Variants in ST8SIA1 observed in about 807,000 individuals in gnomAD.
ST8SIA1 encodes the protein ST8 alpha-N-acetyl-neuraminide alpha-2,8-sialyltransferase 1.
A neutral mutation model predicts 35.9 loss-of-function variants in ST8SIA1; 16 were observed. The observed-to-expected ratio is 0.45, with a 90% CI of 0.30 to 0.68. The LOEUF is 0.68. ST8SIA1 is among the 30% of genes least tolerant of loss of function. The pLI is 0.09. For synonymous variants in ST8SIA1, 170 were observed against 169.6 expected, an observed-to-expected ratio of 1.00 and a Z score of -0.02; for missense variants, 383 against 453.6, an observed-to-expected ratio of 0.84 and a Z score of 1.41.
At chr12:22,205,690 G>A (rs555314418) in intron 4 of ST8SIA1, among the ~76,000 whole-genome samples, 1 of 152,030 alleles carries the variant, frequency 6.6e-6, no homozygotes, top group Non-Finnish European at 1.5e-5. Context: ...AGCTGAGGTG[G>A]GAGGATCACT....
chr12:22,329,157 A>G (rs1866724196), intron 1 of ST8SIA1, among the ~76,000 whole-genome samples: 1 of 152,224 alleles, frequency 6.6e-6, no homozygotes, highest in South Asian at 2.1e-4. Flanking sequence ...TCAGAGCCAA[A>G]TCATGAGAGA....
At chr12:22,259,530 A>G (rs997995086) in intron 2 of ST8SIA1, among the ~76,000 whole-genome samples, 16 of 151,530 alleles carry the variant, frequency 1.1e-4, no homozygotes, top group African/African-American at 3.9e-4. Flanking sequence ...CAGTGGCGCG[A>G]TCTGGGATCA....
At chr12:22,244,030 C>CA (rs3216629) in intron 4 of ST8SIA1, among the ~76,000 whole-genome samples, 79,320 of 147,576 alleles carry the variant, frequency 0.54, 21,310 homozygotes, top group South Asian at 0.64. Context: ...AATTCTGTCT[C>CA]AAAAAAAAAA....
chr12:22,271,247 T>C (rs61921823), intron 2 of ST8SIA1, among the ~76,000 whole-genome samples: 14,050 of 152,250 alleles, frequency 0.092, 797 homozygotes, highest in East Asian at 0.15. Context: ...CTAAACAGAA[T>C]GCCAAGCCCA....
Position 22,194,118 on chromosome 12 carries a change from C to T in ST8SIA1, c.*7434G>A, listed in dbSNP as rs1487637163. 1.3e-5 allele frequency: 2 copies of T among 152,128 alleles called. No individual in the cohort carries two copies. The highest frequency in any genetic ancestry group is 2.9e-5 in the Non-Finnish European group (2 of 68,022). 9.4% of individuals were successfully genotyped at this position (152,128 alleles called of 1,614,324 possible). On this transcript the variant is annotated 3_prime_UTR_variant, in exon 5 of 5. Transcript: ENST00000396037. Reference sequence around the variant, plus strand: ...ATATTTGTTCTCTTCTCTCTAGTGTCTCTATGATGTACCCTAGTGGCCATC... The same window carrying T: ...ATATTTGTTCTCTTCTCTCTAGTGTTTCTATGATGTACCCTAGTGGCCATC...
At chr12:22,318,907 C>T (rs936854684) in intron 1 of ST8SIA1, among the ~76,000 whole-genome samples, 1 of 152,144 alleles carries the variant, frequency 6.6e-6, no homozygotes, top group African/African-American at 2.4e-5. Flanking sequence ...CCAGACAGAC[C>T]ATTTTCTAAC....
chr12:22,311,376 G>A (rs1333148323), intron 1 of ST8SIA1, among the ~76,000 whole-genome samples: 1 of 152,066 alleles, frequency 6.6e-6, no homozygotes, highest in Non-Finnish European at 1.5e-5. Flanking sequence ...GAATTTCTAA[G>A]GTCAAGGTGT....
intron 3 of ST8SIA1, 47 bp from the exon 4 acceptor site, chr12:22,249,145 A>T: frequency 8.2e-7 from 1 of 1,223,156 alleles, no homozygotes; most frequent in Non-Finnish European, 1.2e-6. Context: ...CATAGTTTTA[A>T]ATCATCAGTT....
intron 2 of ST8SIA1, among the ~76,000 whole-genome samples, chr12:22,260,668 G>A (rs1865779064): frequency 6.6e-6 from 1 of 152,000 alleles, no homozygotes; most frequent in African/African-American, 2.4e-5. Flanking sequence ...CATCTTCCAG[G>A]ACTATTACGA....
At chr12:22,208,262 G>GA (rs1481172566) in intron 4 of ST8SIA1, among the ~76,000 whole-genome samples, 4 of 151,430 alleles carry the variant, frequency 2.6e-5, no homozygotes, top group Admixed American at 6.6e-5. Context: ...CACTGCATTA[G>GA]AAAAATTTTT....
intron 1 of ST8SIA1, among the ~76,000 whole-genome samples, chr12:22,312,458 G>A (rs566992481): frequency 1.3e-5 from 2 of 152,270 alleles, no homozygotes; most frequent in Non-Finnish European, 2.9e-5. Context: ...ATTCTCCAAA[G>A]AAGCCTGGCT....
chr12:22,248,263 T>A (rs1865627243), intron 4 of ST8SIA1, among the ~76,000 whole-genome samples: 1 of 152,126 alleles, frequency 6.6e-6, no homozygotes, highest in Non-Finnish European at 1.5e-5. Context: ...CCCTCCTAAT[T>A]GCCAGGGACA....
intron 2 of ST8SIA1, among the ~76,000 whole-genome samples, chr12:22,256,213 G>A (rs1386740884): frequency 6.6e-6 from 1 of 152,208 alleles, no homozygotes; most frequent in African/African-American, 2.4e-5. Context: ...GACCCACTAA[G>A]GGGCAAGTGA....
At chr12:22,210,816 TG>T (rs955696966) in intron 4 of ST8SIA1, among the ~76,000 whole-genome samples, 3 of 152,218 alleles carry the variant, frequency 2.0e-5, no homozygotes, top group African/African-American at 7.2e-5. Context: ...CACAGTGAAC[TG>T]TAACTTAACA....
At chr12:22,237,180 C>T (rs887834582) in intron 4 of ST8SIA1, among the ~76,000 whole-genome samples, 1 of 152,136 alleles carries the variant, frequency 6.6e-6, no homozygotes, top group Non-Finnish European at 1.5e-5. Context: ...CTCACTGCAG[C>T]CTTGAACGCC....
rs1255873527 is a variant in ST8SIA1, at chr12:22,193,399, A to T, written c.*8153T>A. 2 of 152,212 alleles carry T rather than the reference A, an allele frequency of 1.3e-5. No homozygotes were observed. The highest frequency in any genetic ancestry group is 2.9e-5 in the Non-Finnish European group (2 of 68,032). 9.4% of individuals were successfully genotyped at this position (152,212 alleles called of 1,614,324 possible). A position where few individuals can be genotyped will look rare whatever the true frequency, so the allele number is the denominator to read the frequency against. Reference sequence around the variant, plus strand: ...GAAAAGACTTCACAAGCTATAAAAAATCATTTTATTCACAGGGTACATTTA... The same window carrying T: ...GAAAAGACTTCACAAGCTATAAAAATTCATTTTATTCACAGGGTACATTTA... On this transcript the variant is annotated 3_prime_UTR_variant, in exon 5 of 5. Coordinates refer to ENST00000396037, the MANE Select transcript of ST8SIA1 (RefSeq NM_003034.4).
chr12:22,294,804 CA>C (rs1475184252), intron 1 of ST8SIA1, among the ~76,000 whole-genome samples: 1 of 152,060 alleles, frequency 6.6e-6, no homozygotes, highest in Non-Finnish European at 1.5e-5. Flanking sequence ...AACAAGTACA[CA>C]AAATTATGTG....
chr12:22,334,458 G>A lies in ST8SIA1; in HGVS notation c.-226C>T. On this transcript the variant is annotated 5_prime_UTR_variant, in exon 1 of 5. Transcript: ENST00000396037. ...TTTCTTTCTAGGGGAAGTGGCTGGG[G>A]GTGAAGTCACGATCTATGGCCATGG... The A allele has an allele frequency of 3.4e-6, 2 of 586,800 alleles. No individual in the cohort carries two copies. The highest frequency in any genetic ancestry group is 6.1e-6 in the Non-Finnish European group (2 of 329,028). 36.3% of individuals were successfully genotyped at this position (586,800 alleles called of 1,614,324 possible). A position where few individuals can be genotyped will look rare whatever the true frequency, so the allele number is the denominator to read the frequency against.
At chr12:22,239,879 T>C (rs1865520677) in intron 4 of ST8SIA1, among the ~76,000 whole-genome samples, 1 of 152,188 alleles carries the variant, frequency 6.6e-6, no homozygotes, top group Non-Finnish European at 1.5e-5. Context: ...ACATGGTGAG[T>C]CCAGAGATTG....
Sources: allele counts gnomAD v4.1 joint callset (sites outside exome capture counted in the v4.1 genomes callset), GRCh38; gene constraint gnomAD v4.1.1; transcripts MANE v1.5; gene names NCBI Gene and HGNC (gene_info 2026-07-23, HGNC 2026-07-21).